The following PPP2R3A variants were observed in gnomAD, a reference collection of about 807,000 sequenced individuals.
PPP2R3A encodes the protein serine/threonine-protein phosphatase 2A regulatory subunit B'' subunit alpha.
PPP2R3A carries 80 observed loss-of-function variants against 106.9 expected under a neutral mutation model. The ratio of observed to expected loss-of-function variants is 0.75; its 90% CI spans 0.62 to 0.90. The LOEUF (loss-of-function observed/expected upper bound fraction) is 0.90. Ranked by LOEUF, PPP2R3A falls within the 40% of genes least tolerant of loss-of-function variation. The pLI is 0.00. For missense variants in PPP2R3A, 1,386 were observed against 1,350.4 expected (o/e 1.03, Z -0.41); for synonymous variants, 483 against 468.3 (o/e 1.03, Z -0.41).
Position 136,049,372 on chromosome 3 carries a change from TCTC to T in PPP2R3A, c.2469+14_2469+16del, listed in dbSNP as rs778394192. 5.1e-6 allele frequency: 8 copies of T among 1,579,008 alleles called. No individual in the cohort carries two copies. The highest frequency in any genetic ancestry group is 1.2e-5 in the South Asian group (1 of 86,738). On this transcript the variant is annotated intron_variant, in intron 5 of 13. Transcript: ENST00000264977. ...ATCCCTCTACTTCAGGTAATTTTCA[TCTC>T]CTTTTGAAAATGGGTTCTAATTTTG...
At chr3:136,042,958 T>G (rs1935336572) in intron 4 of PPP2R3A, among the ~76,000 whole-genome samples, 1 of 144,620 alleles carries the variant, frequency 6.9e-6, no homozygotes, top group African/African-American at 2.5e-5. Context: ...AGAAGACGTG[T>G]TTAGTTTTGT....
intron 4 of PPP2R3A, among the ~76,000 whole-genome samples, chr3:136,045,538 A>C (rs919414999): frequency 1.3e-5 from 2 of 152,246 alleles, no homozygotes; most frequent in Non-Finnish European, 1.5e-5. Flanking sequence ...ATCTGGGTGC[A>C]GAAGTCTTGT....
chr3:136,018,088 G>A (rs772180178), intron 2 of PPP2R3A, among the ~76,000 whole-genome samples: 14 of 152,260 alleles, frequency 9.2e-5, no homozygotes, highest in South Asian at 2.1e-4. Context: ...GCAACATGGC[G>A]AAACCCTGTC....
intron 13 of PPP2R3A, among the ~76,000 whole-genome samples, chr3:136,131,248 A>G (rs537637951): frequency 6.6e-6 from 1 of 152,306 alleles, no homozygotes; most frequent in South Asian, 2.1e-4. Context: ...AATGGGAGAA[A>G]ATTTTTGCAA....
chr3:136,043,360 G>A (rs1935359858), intron 4 of PPP2R3A, among the ~76,000 whole-genome samples: 2 of 152,158 alleles, frequency 1.3e-5, no homozygotes, highest in Admixed American at 6.5e-5. Flanking sequence ...TCAGGAGGCT[G>A]AGGCAGGAGA....
chr3:135,985,393 TCTCTC>T (rs1937597587), intron 1 of PPP2R3A, among the ~76,000 whole-genome samples: 1 of 144,152 alleles, frequency 6.9e-6, no homozygotes, highest in Non-Finnish European at 1.5e-5. Context: ...CCTCTCTCCC[TCTCTC>T]CCTCTCTCTC....
At chr3:136,023,095 G>C in intron 2 of PPP2R3A, 2 of 1,613,364 alleles carry the variant, frequency 1.2e-6, no homozygotes, top group South Asian at 2.2e-5. Flanking sequence ...ACATCTCTAC[G>C]AAGGGACCCG....
At chr3:136,101,386 T>C (rs1937355311) in intron 10 of PPP2R3A, among the ~76,000 whole-genome samples, 1 of 152,118 alleles carries the variant, frequency 6.6e-6, no homozygotes, top group Admixed American at 6.6e-5. Flanking sequence ...TCAACTTTCA[T>C]AATGTGAAAT....
chr3:135,967,209 A>G (rs1188956655), intron 1 of PPP2R3A, among the ~76,000 whole-genome samples: 3 of 152,192 alleles, frequency 2.0e-5, no homozygotes, highest in Non-Finnish European at 1.5e-5. Context: ...TATACAATCT[A>G]GGAGCTCAGA....
chr3:136,112,460 G>T (rs1026080000), intron 13 of PPP2R3A, among the ~76,000 whole-genome samples: 2 of 152,076 alleles, frequency 1.3e-5, no homozygotes, highest in African/African-American at 4.8e-5. Flanking sequence ...CAAAATCAGT[G>T]TACAAAAATC....
At chr3:136,049,410 CA>C (rs749754041) in intron 5 of PPP2R3A, 49 bp downstream of exon 5, 14 of 1,398,180 alleles carry the variant, frequency 1.0e-5, no homozygotes, top group African/African-American at 1.4e-5. Context: ...GGAGTTTCAG[CA>C]GTTTTGTTTA....
chr3:136,037,925 A>C (rs1935142320), intron 3 of PPP2R3A, among the ~76,000 whole-genome samples: 1 of 151,810 alleles, frequency 6.6e-6, no homozygotes. Flanking sequence ...CCCACTTGCT[A>C]TCCACTCTTC....
chr3:136,052,137 G>A (rs895065671), intron 5 of PPP2R3A, among the ~76,000 whole-genome samples: 7 of 152,050 alleles, frequency 4.6e-5, no homozygotes, highest in South Asian at 4.1e-4. Context: ...GAACTGCATT[G>A]TAATAAAACA....
intron 13 of PPP2R3A, among the ~76,000 whole-genome samples, chr3:136,112,949 A>G (rs1463885356): frequency 6.6e-6 from 1 of 152,088 alleles, no homozygotes; most frequent in Non-Finnish European, 1.5e-5. Flanking sequence ...CCTGGCCAAC[A>G]TGATAAAACC....
chr3:136,041,654 A>G (rs1012605372), intron 4 of PPP2R3A, among the ~76,000 whole-genome samples: 1 of 117,358 alleles, frequency 8.5e-6, no homozygotes, highest in East Asian at 2.0e-4. Context: ...TCACATGGGA[A>G]ATACATTTTC....
At chr3:136,017,097 A>G (rs1035370213) in intron 2 of PPP2R3A, among the ~76,000 whole-genome samples, 1 of 152,176 alleles carries the variant, frequency 6.6e-6, no homozygotes, top group African/African-American at 2.4e-5. Context: ...GTTGGATACA[A>G]AATTCTTGGT....
chr3:136,109,226 A>G (rs769382970), intron 13 of PPP2R3A, among the ~76,000 whole-genome samples: 2 of 152,214 alleles, frequency 1.3e-5, no homozygotes, highest in Non-Finnish European at 2.9e-5. Flanking sequence ...TTGGGGTTTA[A>G]GAAAATTATA....
Position 136,002,055 on chromosome 3 carries a change from C to G in PPP2R3A, c.557C>G (p.Pro186Arg). 6.2e-7 allele frequency: 1 copy of G among 1,613,922 alleles called. No homozygotes were observed. The highest frequency in any genetic ancestry group is 8.5e-7 in the Non-Finnish European group (1 of 1,179,966). ...LLRSSSVEEK[P>R]LSHRNSLDTN... ...CGGAGTTCCTCAGTTGAGGAAAAAC[C>G]TTTGTCTCATAGAAACTCACTGGAT... Residue 186 changes from proline to arginine, a missense_variant, in exon 2 of 14, where the codon CCT (proline) becomes CGT (arginine). By Grantham distance (103) the Pro-to-Arg change is moderately radical. Coordinates refer to ENST00000264977, the MANE Select transcript of PPP2R3A (RefSeq NM_002718.5).
intron 9 of PPP2R3A, among the ~76,000 whole-genome samples, chr3:136,090,039 A>G (rs1937056343): frequency 6.6e-6 from 1 of 152,176 alleles, no homozygotes; most frequent in Non-Finnish European, 1.5e-5. Context: ...GTATAGAATC[A>G]TGTTGTCAGC....
Sources: allele counts gnomAD v4.1 joint callset (sites outside exome capture counted in the v4.1 genomes callset), GRCh38; gene constraint gnomAD v4.1.1; transcripts MANE v1.5; gene names NCBI Gene and HGNC (gene_info 2026-07-23, HGNC 2026-07-21).